The following NLK variants were observed in gnomAD, a reference collection of about 807,000 sequenced individuals.
NLK encodes the protein serine/threonine-protein kinase NLK.
Under a neutral mutation model 59.0 loss-of-function variants are expected in NLK, and 11 were observed. That is an observed-to-expected ratio of 0.19 (90% CI 0.12 to 0.31). The LOEUF is 0.31. Ranked by LOEUF, NLK falls within the 10% of genes least tolerant of loss-of-function variation. The pLI, the probability that NLK is intolerant of heterozygous loss-of-function variation, is 1.00. For missense variants in NLK, 410 were observed against 661.1 expected, an observed-to-expected ratio of 0.62 and a Z score of 4.16; for synonymous variants, 235 against 235.9, an observed-to-expected ratio of 1.00 and a Z score of 0.03.
intron 3 of NLK, among the ~76,000 whole-genome samples, chr17:28,147,203 TG>T (rs1907292971): frequency 6.6e-6 from 1 of 152,184 alleles, no homozygotes; most frequent in African/African-American, 2.4e-5. Context: ...TTGATGCTAA[TG>T]ATGATGGTTA....
In NLK at chr17:28,185,205, G is replaced by A. The variant is rs1335556434; in HGVS notation, c.1176G>A (p.Leu392=). 1 of 1,593,554 alleles carries A rather than the reference G, an allele frequency of 6.3e-7. No individual in the cohort carries two copies. Among genetic ancestry groups the A allele is most frequent in the East Asian group, 2.3e-5 (1 of 44,174 alleles). Residue 392 remains leucine, a synonymous_variant, in exon 8 of 11, where the codon CTG becomes CTA. Transcript: ENST00000407008. The stretch of plus-strand genomic sequence containing the variant: ...CATCTCTTCCTGTACTCTATACCCT[G>A]TCTAGCCAGGCTACACATGAAGCTG... The part of the protein sequence containing the change: ...KQPSLPVLYT[L]SSQATHEAVH...
At chr17:28,081,386 A>G (rs1910341821) in intron 1 of NLK, among the ~76,000 whole-genome samples, 1 of 152,066 alleles carries the variant, frequency 6.6e-6, no homozygotes, top group Non-Finnish European at 1.5e-5. Flanking sequence ...TTTTAGAGAT[A>G]GGGTCTCACT....
intron 1 of NLK, among the ~76,000 whole-genome samples, chr17:28,119,252 A>G (rs1905913165): frequency 6.6e-6 from 1 of 152,220 alleles, no homozygotes; most frequent in Non-Finnish European, 1.5e-5. Context: ...AGAGAGAACA[A>G]ACTCAACATG....
At chr17:28,081,263 C>T (rs1910336053) in intron 1 of NLK, among the ~76,000 whole-genome samples, 1 of 151,716 alleles carries the variant, frequency 6.6e-6, no homozygotes, top group Non-Finnish European at 1.5e-5. Flanking sequence ...CAGCGGCGTG[C>T]GTGATCACAG....
intron 1 of NLK, among the ~76,000 whole-genome samples, chr17:28,082,282 C>G (rs762921150): frequency 2.4e-4 from 36 of 152,176 alleles, no homozygotes; most frequent in South Asian, 4.1e-4. Flanking sequence ...CTTCTTCTGA[C>G]AGACCTGGCC....
At chr17:28,161,974 C>G (rs2142048405) in intron 4 of NLK, among the ~76,000 whole-genome samples, 1 of 152,154 alleles carries the variant, frequency 6.6e-6, no homozygotes, top group South Asian at 2.1e-4. Flanking sequence ...TTAAGAGATT[C>G]TTTATAGAGA....
At chr17:28,054,766 G>C (rs1909380434) in intron 1 of NLK, among the ~76,000 whole-genome samples, 1 of 152,236 alleles carries the variant, frequency 6.6e-6, no homozygotes, top group Admixed American at 6.5e-5. Context: ...TAAAGGGATA[G>C]TATGATTTAG....
At chr17:28,060,561 C>G (rs1909597158) in intron 1 of NLK, among the ~76,000 whole-genome samples, 2 of 152,064 alleles carry the variant, frequency 1.3e-5, no homozygotes, top group Admixed American at 6.5e-5. Flanking sequence ...CATGAGCCAC[C>G]ACACCCAGCC....
intron 1 of NLK, among the ~76,000 whole-genome samples, chr17:28,114,492 C>G (rs921621573): frequency 6.6e-6 from 1 of 152,152 alleles, no homozygotes; most frequent in Non-Finnish European, 1.5e-5. Flanking sequence ...TTGCAAGCAT[C>G]TTCTCCTATG....
chr17:28,098,131 A>G (rs1390744211), intron 1 of NLK, among the ~76,000 whole-genome samples: 2 of 152,154 alleles, frequency 1.3e-5, no homozygotes, highest in African/African-American at 4.8e-5. Flanking sequence ...AAACCTACGA[A>G]GTGTACACTA....
intron 5 of NLK, among the ~76,000 whole-genome samples, chr17:28,164,679 A>G (rs1019288623): frequency 6.6e-6 from 1 of 152,110 alleles, no homozygotes; most frequent in Non-Finnish European, 1.5e-5. Context: ...GGTCCACTAT[A>G]TTTTTCCTCA....
At chr17:28,096,867 G>A (rs1416430868) in intron 1 of NLK, among the ~76,000 whole-genome samples, 1 of 152,140 alleles carries the variant, frequency 6.6e-6, no homozygotes, top group African/African-American at 2.4e-5. Context: ...CTTTCTGCTC[G>A]AAAATAAGAG....
chr17:28,072,002 A>G (rs1597664382), intron 1 of NLK, among the ~76,000 whole-genome samples: 2 of 152,056 alleles, frequency 1.3e-5, no homozygotes, highest in Non-Finnish European at 1.5e-5. Flanking sequence ...CTTGTATACA[A>G]CCACCCAACT....
chr17:28,200,971 C>G (rs1339157870), downstream of NLK, among the ~76,000 whole-genome samples: 3 of 152,322 alleles, frequency 2.0e-5, no homozygotes, highest in African/African-American at 7.2e-5. Context: ...CATTCAGTTG[C>G]CTTTGCACTT....
At chr17:28,173,348 T>G (rs1415888075) in intron 7 of NLK, among the ~76,000 whole-genome samples, 2 of 152,198 alleles carry the variant, frequency 1.3e-5, no homozygotes, top group Non-Finnish European at 2.9e-5. Context: ...TGGTTTCTTT[T>G]GAATTGGACG....
In NLK at chr17:28,115,996, A is replaced by G. The variant is rs181281737; in HGVS notation, c.459-6607A>G. On this transcript the variant is annotated intron_variant, in intron 1 of 10. Transcript: ENST00000407008. ...AAGATTTGCTTCATTTGCTTCAACT[A>G]TTTTTTATTGTTGTTGCTGAAGTAT... 2.5e-3 allele frequency among the ~76,000 whole-genome samples: 381 copies of G among 152,130 alleles called. 1 individual carries two copies. Among genetic ancestry groups the G allele is most frequent in the Non-Finnish European group, 4.7e-3 (318 of 67,960 alleles).
rs950773603 is a variant in NLK, at chr17:28,042,760, A to G, written c.-114A>G. 3.2e-6 allele frequency: 3 copies of G among 949,486 alleles called. No homozygotes were observed. The highest frequency in any genetic ancestry group is 3.3e-5 in the African/African-American group (2 of 60,572). 58.8% of individuals were successfully genotyped at this position (949,486 alleles called of 1,614,324 possible). ...TCTAACTTGTTTGGATTGACTGATG[A>G]AGACATAAAGCTCTATGTTTTTTGA... On this transcript the variant is annotated 5_prime_UTR_variant, in exon 1 of 11. Transcript: ENST00000407008.
chr17:28,102,065 G>T (rs1232116754), intron 1 of NLK, among the ~76,000 whole-genome samples: 1 of 151,966 alleles, frequency 6.6e-6, no homozygotes, highest in African/African-American at 2.4e-5. Context: ...TTGTTTCTTT[G>T]TCCATTATGA....
rs34038918 is a variant in NLK, at chr17:28,075,225, T to C, written c.458+31894T>C. On this transcript the variant is annotated intron_variant, in intron 1 of 10. Coordinates refer to ENST00000407008, the MANE Select transcript of NLK (RefSeq NM_016231.5). The stretch of plus-strand genomic sequence containing the variant: ...TCAGCATTCAGGTGATTTGGACAAC[T>C]GATTGATGTTATTCCAAAAGAAACC... Among the ~76,000 whole-genome samples the C allele has an allele frequency of 6.5e-3, 996 of 152,348 alleles. 16 individuals carry two copies. Among genetic ancestry groups the C allele is most frequent in the African/African-American group, 0.022 (930 of 41,582 alleles).
Sources: gnomAD v4.1 joint callset for allele counts (sites outside exome capture counted in the v4.1 genomes callset) on GRCh38, gnomAD v4.1.1 for gene constraint, MANE v1.5 for transcripts, NCBI Gene and HGNC (gene_info 2026-07-23, HGNC 2026-07-21) for gene names.